The following DNAH7 variants were observed in gnomAD, a reference collection of about 807,000 sequenced individuals.
DNAH7 encodes axonemal beta dynein heavy chain 7.
DNAH7 carries 397 observed loss-of-function variants against 444.6 expected under a neutral mutation model. The observed-to-expected ratio is 0.89, with a 90% CI of 0.82 to 0.97. The LOEUF (loss-of-function observed/expected upper bound fraction) is 0.97. Ranked by LOEUF, DNAH7 falls within the 50% of genes least tolerant of loss-of-function variation. DNAH7 has a pLI of 0.00. For synonymous variants in DNAH7, 1,636 were observed against 1,624.4 expected (o/e 1.01, Z -0.17); for missense variants, 4,902 against 4,800.8 (o/e 1.02, Z -0.62).
chr2:195,751,760 G>A (rs768630295), intron 63 of DNAH7, among the ~76,000 whole-genome samples: 5 of 152,132 alleles, frequency 3.3e-5, no homozygotes, highest in Admixed American at 2.6e-4. Flanking sequence ...GCTAGAACAC[G>A]CCTGGCCTCA....
At chr2:195,837,978 A>G (rs537599250) in intron 47 of DNAH7, among the ~76,000 whole-genome samples, 1 of 152,270 alleles carries the variant, frequency 6.6e-6, no homozygotes, top group Admixed American at 6.5e-5. Flanking sequence ...GGATATGGAA[A>G]GTGGGGCAGG....
intron 40 of DNAH7, among the ~76,000 whole-genome samples, chr2:195,868,735 TG>T (rs1700501691): frequency 6.6e-6 from 1 of 151,308 alleles, no homozygotes; most frequent in African/African-American, 2.4e-5. Flanking sequence ...TTGGGGGTCT[TG>T]TTTTTGCAGA....
At chr2:195,793,774 T>C (rs1696005051) in intron 57 of DNAH7, among the ~76,000 whole-genome samples, 1 of 152,174 alleles carries the variant, frequency 6.6e-6, no homozygotes. Flanking sequence ...AAAGAAACTC[T>C]TCCATTTTTA....
In DNAH7 at chr2:195,891,773, G is replaced by A; in HGVS notation, c.4928C>T (p.Thr1643Ile). 1 of 1,597,092 alleles carries A rather than the reference G, an allele frequency of 6.3e-7. No individual in the cohort carries two copies. Among genetic ancestry groups the A allele is most frequent in the Non-Finnish European group, 8.5e-7 (1 of 1,173,642 alleles). ...GGTGACAGACTTAGGATTTAAAACA[G>A]TTATTTGAACTTTGTTTTCTTCCAT... is the stretch of plus-strand genomic sequence containing the variant. ...GLMEENKVQI[T>I]VLNPKSVTMG... is the part of the protein sequence containing the mutation. The change falls in exon 31 of 65, where the codon ACT becomes ATT. Residue 1643 changes from threonine (T) to isoleucine (I), a missense_variant. Thr to Ile is a moderately conservative substitution (Grantham distance 89). Coordinates refer to ENST00000312428, the MANE Select transcript of DNAH7 (RefSeq NM_018897.3).
chr2:195,742,903 A>G (rs1250499413), intron 63 of DNAH7, among the ~76,000 whole-genome samples: 2 of 152,174 alleles, frequency 1.3e-5, no homozygotes, highest in Admixed American at 1.3e-4. Flanking sequence ...TATGCAAAAT[A>G]TTATTCCTGG....
chr2:196,026,177 T>C (rs993814459), intron 7 of DNAH7, among the ~76,000 whole-genome samples: 23 of 152,352 alleles, frequency 1.5e-4, no homozygotes, highest in African/African-American at 5.0e-4. Flanking sequence ...GATTTGTAGA[T>C]GACATGCAAA....
chr2:195,896,950 G>A (rs1019220937), intron 29 of DNAH7, among the ~76,000 whole-genome samples: 2 of 152,076 alleles, frequency 1.3e-5, no homozygotes, highest in African/African-American at 4.8e-5. Context: ...AGGAAAACTG[G>A]ATAACTATAT....
In DNAH7 at chr2:195,864,319, T is replaced by C; in HGVS notation, c.7336A>G (p.Lys2446Glu). 4 of 1,614,190 alleles carry C rather than the reference T, an allele frequency of 2.5e-6. No individual in the cohort carries two copies. Among genetic ancestry groups the C allele is most frequent in the Non-Finnish European group, 3.4e-6 (4 of 1,180,032 alleles). Residue 2446 changes from lysine (K) to glutamate (E), a missense_variant, in exon 41 of 65, where the codon AAA becomes GAA. Physicochemically the swap from Lys to Glu is moderately conservative, Grantham distance 56 (BLOSUM62 1). Transcript: ENST00000312428. Reference protein sequence around the residue: ...KMRQLDRQRDKTKQTDGSPIA... With the variant: ...KMRQLDRQRDETKQTDGSPIA... ...GGGCTGCCATCTGTTTGCTTGGTTT[T>C]ATCCCGCTGGCGATCTAACTGACGC...
intron 19 of DNAH7, among the ~76,000 whole-genome samples, chr2:195,948,106 C>G (rs1168302534): frequency 6.6e-6 from 1 of 152,082 alleles, no homozygotes; most frequent in Non-Finnish European, 1.5e-5. Context: ...TGAGAAGTGT[C>G]TGTTCACATG....
intron 5 of DNAH7, among the ~76,000 whole-genome samples, chr2:196,041,375 T>C (rs1696749813): frequency 6.6e-6 from 1 of 152,008 alleles, no homozygotes; most frequent in South Asian, 2.1e-4. Flanking sequence ...CTTAGACCTG[T>C]GGAAAAGAAT....
intron 22 of DNAH7, among the ~76,000 whole-genome samples, chr2:195,925,131 C>CT (rs1013918799): frequency 6.8e-6 from 1 of 147,560 alleles, no homozygotes; most frequent in Non-Finnish European, 1.5e-5. Flanking sequence ...AATACTTCAT[C>CT]TTTTTTTATT....
At chr2:195,957,643 T>C (rs1690775862) in intron 18 of DNAH7, among the ~76,000 whole-genome samples, 196 bp from the exon 19 acceptor site, 1 of 147,262 alleles carries the variant, frequency 6.8e-6, no homozygotes, top group African/African-American at 2.7e-5. Context: ...GTTATACAAT[T>C]GTTATACATT....
chr2:196,059,830 A>T (rs1698035945), intron 1 of DNAH7, among the ~76,000 whole-genome samples: 1 of 152,144 alleles, frequency 6.6e-6, no homozygotes, highest in Admixed American at 6.6e-5. Flanking sequence ...ACCTTCTCCC[A>T]TGAGGTCTTA....
chr2:195,933,505 T>G (rs1688839636), intron 21 of DNAH7, among the ~76,000 whole-genome samples: 2 of 152,126 alleles, frequency 1.3e-5, no homozygotes, highest in African/African-American at 2.4e-5. Flanking sequence ...AACCCAAATG[T>G]CCATCAGTGA....
At chr2:195,898,456 T>C (rs1057093606) in intron 28 of DNAH7, among the ~76,000 whole-genome samples, 3 of 152,254 alleles carry the variant, frequency 2.0e-5, no homozygotes, top group Non-Finnish European at 2.9e-5. Flanking sequence ...TTCATCGTTA[T>C]TGAATCTTTC....
chr2:195,971,592 G>A (rs796139146), intron 16 of DNAH7, among the ~76,000 whole-genome samples: 7 of 152,276 alleles, frequency 4.6e-5, no homozygotes, highest in Middle Eastern at 3.4e-3. Context: ...CATGTGGGGC[G>A]GGGGTGTGCT....
At chr2:195,891,088 G>A (rs1315119016) in intron 31 of DNAH7, among the ~76,000 whole-genome samples, 4 of 152,212 alleles carry the variant, frequency 2.6e-5, no homozygotes, top group African/African-American at 7.2e-5. Flanking sequence ...TAAGCCAGGA[G>A]TAGGTTAAGT....
chr2:195,922,883 ACAGGGTCTCACTCTGTCACC>A (rs1186619874), intron 23 of DNAH7, among the ~76,000 whole-genome samples: 2 of 150,810 alleles, frequency 1.3e-5, no homozygotes, highest in Non-Finnish European at 3.0e-5. Flanking sequence ...TTTTTCTGAG[ACAGGGTCTCACTCTGTCACC>A]CAGGCTGGAG....
intron 63 of DNAH7, among the ~76,000 whole-genome samples, chr2:195,744,519 T>G (rs842730): frequency 0.98 from 149,106 of 152,278 alleles, 73,089 homozygotes; most frequent in East Asian, 1. Context: ...CCAGCATGCA[T>G]CCGGAGATAT....
Sources: gnomAD v4.1 joint callset for allele counts (sites outside exome capture counted in the v4.1 genomes callset) on GRCh38, gnomAD v4.1.1 for gene constraint, MANE v1.5 for transcripts, NCBI Gene and HGNC (gene_info 2026-07-23, HGNC 2026-07-21) for gene names.